Variants in CAPS2 observed in about 807,000 individuals in gnomAD.
CAPS2 encodes calcyphosine 2.
In CAPS2, 98 loss-of-function variants were observed where a neutral mutation model predicts 86.5. That is an observed-to-expected ratio of 1.13 (90% CI 0.96 to 1.34). The LOEUF (loss-of-function observed/expected upper bound fraction) is 1.34. CAPS2 is among the 40% of genes most tolerant of loss of function. The pLI, the probability that CAPS2 is intolerant of heterozygous loss-of-function variation, is 0.00. For synonymous variants in CAPS2, 210 were observed against 225.1 expected (o/e 0.93, Z 0.60); for missense variants, 729 against 686.8 (o/e 1.06, Z -0.69).
chr12:75,333,409 T>C (rs1021038277), upstream of CAPS2, among the ~76,000 whole-genome samples: 16 of 152,124 alleles, frequency 1.1e-4, no homozygotes, highest in Admixed American at 2.0e-4. Context: ...TATATAACTG[T>C]ATTGATTTAT....
intron 7 of CAPS2, among the ~76,000 whole-genome samples, chr12:75,307,000 C>A (rs540140409): frequency 6.6e-6 from 1 of 151,944 alleles, no homozygotes; most frequent in African/African-American, 2.4e-5. Context: ...AGCAGAGGAA[C>A]AATATGTGTA....
intron 1 of CAPS2, among the ~76,000 whole-genome samples, chr12:75,377,832 C>A (rs1274508344): frequency 7.8e-6 from 1 of 127,432 alleles, no homozygotes; most frequent in East Asian, 2.3e-4. Flanking sequence ...TTAATATTAA[C>A]CATCACAGAT....
intron 15 of CAPS2, 53 bp downstream of exon 15, chr12:75,284,908 A>T: frequency 5.4e-6 from 8 of 1,468,126 alleles, no homozygotes; most frequent in Middle Eastern, 1.8e-4. Flanking sequence ...TAAAATACTG[A>T]ACCTAACAAT....
In CAPS2 at chr12:75,323,242, T is replaced by C. The variant is rs1227022362; in HGVS notation, c.132-20A>G. 3.3e-6 allele frequency: 5 copies of C among 1,535,478 alleles called. No homozygotes were observed. In the Admixed American group the frequency reaches 1.0e-4, roughly 31 times the overall value. Reference sequence around the variant, plus strand: ...GGGACCCTGAAAGACATAATCTATGTATCCCGTAACTTTTTAACATGAAAC... The same window carrying C: ...GGGACCCTGAAAGACATAATCTATGCATCCCGTAACTTTTTAACATGAAAC... On this transcript the variant is annotated intron_variant, in intron 2 of 16. Transcript: ENST00000393284.
At chr12:75,365,485 A>T (rs969785655) in intron 1 of CAPS2, among the ~76,000 whole-genome samples, 1 of 152,174 alleles carries the variant, frequency 6.6e-6, no homozygotes, top group African/African-American at 2.4e-5. Context: ...CTTCTTTTGC[A>T]TATAACTTTT....
upstream of CAPS2, among the ~76,000 whole-genome samples, chr12:75,331,948 A>G (rs2041357718): frequency 6.6e-6 from 1 of 152,252 alleles, no homozygotes; most frequent in Non-Finnish European, 1.5e-5. Flanking sequence ...TAGATGTTCA[A>G]GAAAATAACA....
chr12:75,314,429 C>T (rs1022206071), intron 6 of CAPS2, among the ~76,000 whole-genome samples: 1 of 151,888 alleles, frequency 6.6e-6, no homozygotes, highest in Non-Finnish European at 1.5e-5. Flanking sequence ...TACACTGAAT[C>T]TAGTTTTTTG....
chr12:75,337,343 A>G (rs755717240), intron 1 of CAPS2, among the ~76,000 whole-genome samples: 24 of 151,842 alleles, frequency 1.6e-4, no homozygotes, highest in Non-Finnish European at 3.0e-4. Flanking sequence ...AAATTGATAA[A>G]CCAGTAGTAA....
intron 7 of CAPS2, among the ~76,000 whole-genome samples, chr12:75,311,721 A>C (rs565270343): frequency 1.8e-3 from 30 of 17,058 alleles, no homozygotes; most frequent in Admixed American, 0.011. Context: ...ACAAAAAAAA[A>C]AACAAAAAAA....
chr12:75,377,406 G>C (rs1029324948), intron 1 of CAPS2, among the ~76,000 whole-genome samples: 1 of 152,200 alleles, frequency 6.6e-6, no homozygotes, highest in Non-Finnish European at 1.5e-5. Flanking sequence ...CCATCTGTAA[G>C]TTAAGAAGCA....
chr12:75,383,367 A>G (rs2045107781), intron 1 of CAPS2, among the ~76,000 whole-genome samples: 1 of 152,176 alleles, frequency 6.6e-6, no homozygotes, highest in Non-Finnish European at 1.5e-5. Flanking sequence ...ACACTAATCA[A>G]AAGAAACCAA....
At chr12:75,389,570 A>G (rs2045467165) in intron 1 of CAPS2, among the ~76,000 whole-genome samples, 1 of 152,218 alleles carries the variant, frequency 6.6e-6, no homozygotes, top group Admixed American at 6.5e-5. Flanking sequence ...CAGTACCACC[A>G]TAATAAAAGA....
At chr12:75,313,660 G>T (rs1213178290) in intron 6 of CAPS2, among the ~76,000 whole-genome samples, 1 of 152,032 alleles carries the variant, frequency 6.6e-6, no homozygotes, top group Non-Finnish European at 1.5e-5. Flanking sequence ...AATAAAAGAG[G>T]TTAAAAAATT....
chr12:75,294,912 A>G (rs1296625434), intron 11 of CAPS2: 1 of 152,236 alleles, frequency 6.6e-6, no homozygotes, highest in African/African-American at 2.4e-5. Context: ...AAAAGAAAAA[A>G]AGAAAGAAAA....
intron 1 of CAPS2, chr12:75,347,722 CG>C (rs1408211606): frequency 6.4e-7 from 1 of 1,569,268 alleles, no homozygotes; most frequent in African/African-American, 1.4e-5. Context: ...TACGGACCTG[CG>C]TGAGTTATTT....
chr12:75,291,652 C>G lies in CAPS2; in HGVS notation c.1240+92G>C, dbSNP rs112192772. ...GCAAAGGGTAAATATAAATCAAGTG[C>G]CACTGAGAAATATCTGGGAAAATGC... On this transcript the variant is annotated intron_variant, in intron 13 of 16. Transcript: ENST00000393284. The G allele has an allele frequency of 3.2e-4, 96 of 296,958 alleles. 2 individuals carry two copies. The highest frequency in any genetic ancestry group is 2.3e-3 in the Middle Eastern group (2 of 858). 18.4% of individuals were successfully genotyped at this position (296,958 alleles called of 1,614,324 possible).
At chr12:75,278,107 A>G in exon 17 of CAPS2, 1 of 909,846 alleles carries the variant, frequency 1.1e-6, no homozygotes, top group Non-Finnish European at 1.3e-6. Flanking sequence ...GATTTTAATA[A>G]AGAACATTTC....
At position 75,277,429 on chromosome 12, in the gene CAPS2, A is replaced by G. The variant is rs138136392; in HGVS notation, c.*1461T>C. 1,205 of 958,936 alleles carry G rather than the reference A, an allele frequency of 1.3e-3. 10 individuals carry two copies. In the African/African-American group the frequency reaches 0.02, roughly 16 times the overall value. The allele number at this position is 958,936 out of a possible 1,614,324, so 59.4% of individuals were successfully genotyped here. ...CTATAGTTGGATAAATTTTTCCAAG[A>G]AAAAGATATGTGACAAAAATAGTGT... On this transcript the variant is annotated 3_prime_UTR_variant, in exon 17 of 17. Coordinates refer to ENST00000393284, the Ensembl canonical transcript of CAPS2.
intron 7 of CAPS2, chr12:75,306,487 T>A: frequency 5.1e-6 from 1 of 194,324 alleles, no homozygotes; most frequent in Non-Finnish European, 1.1e-5. Flanking sequence ...GTACAGTGCT[T>A]TTATAACTTT....
Sources: allele counts gnomAD v4.1 joint callset (sites outside exome capture counted in the v4.1 genomes callset), GRCh38; gene constraint gnomAD v4.1.1; transcripts MANE v1.5; gene names NCBI Gene and HGNC (gene_info 2026-07-23, HGNC 2026-07-21).